Variants in NOL4 observed in about 807,000 individuals in gnomAD.
NOL4 encodes the protein nucleolar protein 4.
A neutral mutation model predicts 75.9 loss-of-function variants in NOL4; 17 were observed. The observed-to-expected ratio is 0.22, with a 90% CI of 0.15 to 0.34. The LOEUF is 0.34. Among genes scored for constraint, NOL4 ranks in the 10% least tolerant of loss-of-function variants. NOL4 has a pLI of 1.00. For synonymous variants in NOL4, 292 were observed against 289.9 expected (o/e 1.01, Z -0.07); for missense variants, 614 against 793.5 (o/e 0.77, Z 2.72).
At chr18:33,916,076 G>A (rs151234630) in intron 9 of NOL4, among the ~76,000 whole-genome samples, 16 of 152,232 alleles carry the variant, frequency 1.1e-4, no homozygotes, top group African/African-American at 3.9e-4. Flanking sequence ...AGTGACTGAA[G>A]GTTAAGGATG....
At chr18:33,854,573 G>A (rs181203590) in intron 10 of NOL4, among the ~76,000 whole-genome samples, 7 of 151,986 alleles carry the variant, frequency 4.6e-5, no homozygotes, top group Admixed American at 3.9e-4. Context: ...AATTCTGAGT[G>A]GATTAAAAAG....
At chr18:33,892,733 C>T (rs1480726800) in intron 9 of NOL4, among the ~76,000 whole-genome samples, 1 of 152,064 alleles carries the variant, frequency 6.6e-6, no homozygotes, top group Non-Finnish European at 1.5e-5. Context: ...CCATAGCTCT[C>T]TGCAGTCTCA....
intron 6 of NOL4, among the ~76,000 whole-genome samples, chr18:33,982,118 G>A (rs2072010915): frequency 6.6e-6 from 1 of 152,002 alleles, no homozygotes; most frequent in Non-Finnish European, 1.5e-5. Flanking sequence ...ATTGCATACG[G>A]CAGGAAAAGA....
chr18:34,151,449 T>C (rs1231956813), intron 1 of NOL4, among the ~76,000 whole-genome samples: 1 of 151,750 alleles, frequency 6.6e-6, no homozygotes, highest in Non-Finnish European at 1.5e-5. Flanking sequence ...TAGAAGCCAA[T>C]CTGAAAGGTC....
rs1345899283 is a variant in NOL4 at position 34,017,407 on chromosome 18, AT to A, written c.1056+1910del. Among the ~76,000 whole-genome samples, 3 of 152,216 alleles carry A rather than the reference AT, an allele frequency of 2.0e-5. No homozygotes were observed. The East Asian group carries it at 5.8e-4, about 29-fold the overall frequency. On this transcript the variant is annotated intron_variant, in intron 6 of 10. Transcript: ENST00000261592. ...AACATGATGTTTTGTATACCTATCC[AT>A]AGTGAAATGATTACTCCAGGTAAGC...
intron 5 of NOL4, among the ~76,000 whole-genome samples, chr18:34,082,425 T>TAAACAGCG (rs2078053900): frequency 6.6e-6 from 1 of 152,194 alleles, no homozygotes; most frequent in Non-Finnish European, 1.5e-5. Context: ...AAAAGCTTAT[T>TAAACAGCG]CCTCAAACAG....
chr18:34,137,923 G>A (rs1842509747), intron 1 of NOL4, among the ~76,000 whole-genome samples: 1 of 151,970 alleles, frequency 6.6e-6, no homozygotes, highest in Admixed American at 6.6e-5. Context: ...AAATGTCCAT[G>A]AACTGAAAAA....
chr18:34,096,847 A>G (rs1029871055), intron 4 of NOL4, among the ~76,000 whole-genome samples: 6 of 152,060 alleles, frequency 3.9e-5, no homozygotes, highest in African/African-American at 1.2e-4. Flanking sequence ...ATTTCTCAAA[A>G]CCTTTGTTAT....
At chr18:34,124,378 T>TC (rs1204418220) in intron 2 of NOL4, among the ~76,000 whole-genome samples, 2 of 152,224 alleles carry the variant, frequency 1.3e-5, no homozygotes, top group African/African-American at 4.8e-5. Context: ...AGTATTTTTT[T>TC]CTAAGAAATG....
At chr18:34,163,255 C>T (rs552737895) in intron 1 of NOL4, among the ~76,000 whole-genome samples, 6 of 148,520 alleles carry the variant, frequency 4.0e-5, no homozygotes, top group African/African-American at 9.9e-5. Flanking sequence ...ATTAGGCAGG[C>T]GAAGGAAATA....
chr18:34,159,669 T>C (rs2031133271), intron 1 of NOL4, among the ~76,000 whole-genome samples: 1 of 152,250 alleles, frequency 6.6e-6, no homozygotes, highest in East Asian at 1.9e-4. Flanking sequence ...ATTCCCTGTA[T>C]GTCCCGACCC....
intron 9 of NOL4, among the ~76,000 whole-genome samples, chr18:33,936,392 G>A (rs2068056901): frequency 6.8e-6 from 1 of 147,162 alleles, no homozygotes; most frequent in Admixed American, 6.9e-5. Flanking sequence ...GTTCATGCTG[G>A]TTAATTAGCA....
chr18:34,149,267 C>T (rs1443832677), intron 1 of NOL4, among the ~76,000 whole-genome samples: 2 of 151,392 alleles, frequency 1.3e-5, no homozygotes, highest in East Asian at 3.9e-4. Context: ...GTGTCCATAG[C>T]CAACAATCTG....
chr18:33,863,852 C>T (rs546847043), intron 10 of NOL4, among the ~76,000 whole-genome samples: 2 of 152,294 alleles, frequency 1.3e-5, no homozygotes, highest in African/African-American at 4.8e-5. Flanking sequence ...GGGCTCCATC[C>T]CTGCAGCAGA....
intron 5 of NOL4, among the ~76,000 whole-genome samples, chr18:34,032,797 G>A (rs2075705794): frequency 6.6e-6 from 1 of 152,044 alleles, no homozygotes; most frequent in Admixed American, 6.6e-5. Context: ...ACCACTCTGG[G>A]ACCCAAGGAC....
intron 9 of NOL4, among the ~76,000 whole-genome samples, chr18:33,917,057 C>A (rs1364231504): frequency 6.6e-6 from 1 of 152,114 alleles, no homozygotes; most frequent in East Asian, 1.9e-4. Context: ...GCTGGATTTG[C>A]TGATAAGCAG....
chr18:34,024,194 A>AAAAAATATATAT, intron 5 of NOL4, among the ~76,000 whole-genome samples: 3 of 70,694 alleles, frequency 4.2e-5, no homozygotes, highest in African/African-American at 1.1e-4. Context: ...AAAAAAAAAA[A>AAAAAATATATAT]ATATATATAT....
At chr18:33,976,407 A>C (rs2071491529) in intron 6 of NOL4, among the ~76,000 whole-genome samples, 1 of 152,218 alleles carries the variant, frequency 6.6e-6, no homozygotes, top group Non-Finnish European at 1.5e-5. Flanking sequence ...TAACCAATTT[A>C]AGTTTAAAAT....
At chr18:34,001,074 A>G (rs2073664021) in intron 6 of NOL4, among the ~76,000 whole-genome samples, 2 of 152,180 alleles carry the variant, frequency 1.3e-5, no homozygotes, top group Non-Finnish European at 2.9e-5. Flanking sequence ...TATATTTTAG[A>G]AATTAGGACA....
Sources: allele counts gnomAD v4.1 joint callset (sites outside exome capture counted in the v4.1 genomes callset), GRCh38; gene constraint gnomAD v4.1.1; transcripts MANE v1.5; gene names NCBI Gene and HGNC (gene_info 2026-07-23, HGNC 2026-07-21).